Variants in NOXRED1 observed in about 807,000 individuals in gnomAD.
NOXRED1 encodes the protein NADP dependent oxidoreductase domain containing 1.
A neutral mutation model predicts 30.4 loss-of-function variants in NOXRED1; 20 were observed. The ratio of observed to expected loss-of-function variants is 0.66; its 90% CI spans 0.46 to 0.96. NOXRED1 has a LOEUF of 0.96. Among genes scored for constraint, NOXRED1 ranks in the 40% least tolerant of loss-of-function variants. The pLI is 0.00. For synonymous variants in NOXRED1, 155 were observed against 168.0 expected (o/e 0.92, Z 0.60); for missense variants, 374 against 428.0 (o/e 0.87, Z 1.11).
rs768743162 is a variant in NOXRED1 at position 77,394,813 on chromosome 14, G to A, written c.906-8C>T. The A allele has an allele frequency of 8.2e-5, 131 of 1,598,426 alleles. No homozygotes were observed. The highest frequency in any genetic ancestry group is 1.1e-4 in the Non-Finnish European group (127 of 1,171,802). ...TCAAACCAGGGGAAAGGCCTGAGGT[G>A]AAAAAAATATTGTTACTTTTTTATG... On this transcript the variant is annotated splice_region_variant and splice_polypyrimidine_tract_variant and intron_variant, in intron 5 of 5. Transcript: ENST00000380835.
At chr14:77,412,996 G>GTAGA (rs1894702859) in intron 2 of NOXRED1, among the ~76,000 whole-genome samples, 1 of 151,766 alleles carries the variant, frequency 6.6e-6, no homozygotes, top group Non-Finnish European at 1.5e-5. Context: ...TCTACAATAT[G>GTAGA]CATATTATTT....
At chr14:77,408,851 G>A (rs2139680430) in intron 2 of NOXRED1, among the ~76,000 whole-genome samples, 1 of 140,786 alleles carries the variant, frequency 7.1e-6, no homozygotes, top group Admixed American at 7.7e-5. Flanking sequence ...AAGAAAGACT[G>A]ATAACTCATG....
intron 5 of NOXRED1, among the ~76,000 whole-genome samples, chr14:77,404,511 G>C (rs1013760730): frequency 3.3e-5 from 5 of 152,158 alleles, no homozygotes; most frequent in African/African-American, 9.7e-5. Flanking sequence ...CCTAGGCACA[G>C]CATTGACATT....
At chr14:77,424,423 C>T (rs1321612204), upstream of NOXRED1, among the ~76,000 whole-genome samples, 1 of 152,050 alleles carries the variant, frequency 6.6e-6, no homozygotes, top group Non-Finnish European at 1.5e-5. Context: ...GCTGAGATTG[C>T]GCCATTGTAC....
rs780964268 is a variant in NOXRED1, at chr14:77,406,623, A to ACACC, written c.682+100_682+101insGGTG. On this transcript the variant is annotated intron_variant, in intron 4 of 5. Transcript: ENST00000380835. ...CACACACACACACACACACACACAC[A>ACACC]CACACACACACAGAGAGAGAGAGAT... 203 of 630,514 alleles carry ACACC rather than the reference A, an allele frequency of 3.2e-4. No individual in the cohort carries two copies. In the African/African-American group the frequency reaches 4.0e-3, roughly 12 times the overall value. 39.1% of individuals were successfully genotyped at this position (630,514 alleles called of 1,614,324 possible). A position where few individuals can be genotyped will look rare whatever the true frequency, so the allele number is the denominator to read the frequency against.
chr14:77,399,869 A>G (rs991687479), intron 5 of NOXRED1, among the ~76,000 whole-genome samples: 2 of 152,152 alleles, frequency 1.3e-5, no homozygotes, highest in African/African-American at 4.8e-5. Flanking sequence ...AGATCTAGGA[A>G]GCTCAAGAAG....
rs1566714606 is a variant in NOXRED1, at chr14:77,419,059, TC to T, written c.155+3675del. 4.6e-3 allele frequency among the ~76,000 whole-genome samples: 689 copies of T among 149,802 alleles called. 5 individuals are homozygous for T. The highest frequency in any genetic ancestry group is 0.016 in the African/African-American group (651 of 41,184). ...TTTTGTTGTTGTTTATCTGGGAAGC[TC>T]TTTCTTTCTCTTTTTTTTTTTTTTT... On this transcript the variant is annotated intron_variant, in intron 1 of 5. Coordinates refer to ENST00000380835, the MANE Select transcript of NOXRED1 (RefSeq NM_001113475.3).
chr14:77,402,136 C>G lies in NOXRED1; in HGVS notation c.905+3777G>C, dbSNP rs10450933. On this transcript the variant is annotated intron_variant, in intron 5 of 5. Transcript: ENST00000380835. Reference sequence around the variant, plus strand: ...TTGGCAGTGACTTTATAGTTGTTAACACCAAAGGCATGATCCATGAAAAAA... The same window carrying G: ...TTGGCAGTGACTTTATAGTTGTTAAGACCAAAGGCATGATCCATGAAAAAA... Among the ~76,000 whole-genome samples, 1,339 of 152,188 alleles carry G rather than the reference C, an allele frequency of 8.8e-3. 19 individuals carry two copies. Among genetic ancestry groups the G allele is most frequent in the South Asian group, 0.037 (178 of 4,816 alleles).
At chr14:77,406,534 A>C in intron 4 of NOXRED1, 190 bp downstream of exon 4, 1 of 698,062 alleles carries the variant, frequency 1.4e-6, no homozygotes, top group Non-Finnish European at 2.5e-6. Flanking sequence ...TAAGAAGTCC[A>C]AATGATCAAG....
chr14:77,422,685 T>G, intron 1 of NOXRED1, 50 bp downstream of exon 1: 1 of 1,566,826 alleles, frequency 6.4e-7, no homozygotes, highest in Non-Finnish European at 8.8e-7. Context: ...ATTTGAATTC[T>G]CAGCAGTGAG....
At chr14:77,415,299 G>A (rs371310765) in intron 1 of NOXRED1, among the ~76,000 whole-genome samples, 2 of 152,100 alleles carry the variant, frequency 1.3e-5, no homozygotes, top group African/African-American at 4.8e-5. Context: ...GCTAGGCATG[G>A]TAGCTGATGC....
rs374715147 is a variant in NOXRED1, at chr14:77,409,991, T to C, written c.350-2346A>G. 8.5e-5 allele frequency among the ~76,000 whole-genome samples: 13 copies of C among 152,126 alleles called. 1 individual carries two copies. In the East Asian group the frequency reaches 1.9e-3, roughly 23 times the overall value. ...CTAAGTTTTGTATTTTTAGCAGAGA[T>C]GGGGTTTCATCATGTTGGCCAGGCT... On this transcript the variant is annotated intron_variant, in intron 2 of 5. Transcript: ENST00000380835.
At position 77,406,774 on chromosome 14, in the gene NOXRED1, G is replaced by T. The variant is rs150616937; in HGVS notation, c.632C>A (p.Ala211Asp). The T allele has an allele frequency of 4.5e-5, 72 of 1,613,952 alleles. 1 individual carries two copies. Among genetic ancestry groups the T allele is most frequent in the East Asian group, 3.8e-4 (17 of 44,900 alleles). ...VWGANKGVIA[A>D]LQDPTILQAT... ...TTGAAGAATCGTAGGATCTTGGAGA[G>T]CAGCTATGACTCCCTTATTGGCCCC... The change falls in exon 4 of 6, where the codon GCT becomes GAT. Residue 211 changes from alanine to aspartate, a missense_variant. Transcript: ENST00000380835.
chr14:77,402,477 T>A (rs1894353753), intron 5 of NOXRED1, among the ~76,000 whole-genome samples: 1 of 151,708 alleles, frequency 6.6e-6, no homozygotes, highest in Non-Finnish European at 1.5e-5. Context: ...AATATATAAA[T>A]ACAAAAATTA....
chr14:77,420,249 T>G (rs1012445079), intron 1 of NOXRED1, among the ~76,000 whole-genome samples: 1 of 152,200 alleles, frequency 6.6e-6, no homozygotes, highest in Non-Finnish European at 1.5e-5. Context: ...AAGTCTAATG[T>G]TGAACCACTC....
At chr14:77,409,410 A>G (rs1011401092) in intron 2 of NOXRED1, among the ~76,000 whole-genome samples, 1 of 152,152 alleles carries the variant, frequency 6.6e-6, no homozygotes, top group Non-Finnish European at 1.5e-5. Flanking sequence ...CACCTTGTGA[A>G]GAAGGTGCCT....
At chr14:77,411,725 T>C (rs1196337249) in intron 2 of NOXRED1, among the ~76,000 whole-genome samples, 2 of 152,184 alleles carry the variant, frequency 1.3e-5, no homozygotes, top group African/African-American at 2.4e-5. Flanking sequence ...TACCTTGTGA[T>C]GGTTTCACAG....
At chr14:77,424,627 A>C (rs974492647), upstream of NOXRED1, among the ~76,000 whole-genome samples, 2 of 152,212 alleles carry the variant, frequency 1.3e-5, no homozygotes, top group Non-Finnish European at 2.9e-5. Context: ...AAGGAAAAAG[A>C]AGCTCAAAAC....
At chr14:77,420,686 T>C (rs558799301) in intron 1 of NOXRED1, among the ~76,000 whole-genome samples, 1 of 152,276 alleles carries the variant, frequency 6.6e-6, no homozygotes, top group East Asian at 1.9e-4. Flanking sequence ...TAGTTTGTTC[T>C]TATGGTTGAG....
Sources: allele counts gnomAD v4.1 joint callset (sites outside exome capture counted in the v4.1 genomes callset), GRCh38; gene constraint gnomAD v4.1.1; transcripts MANE v1.5; gene names NCBI Gene and HGNC (gene_info 2026-07-23, HGNC 2026-07-21).